GFRA1: variants seen among roughly 807,000 people sequenced by gnomAD.
The protein encoded by GFRA1 is GDNF family receptor alpha-1.
Under a neutral mutation model 51.6 loss-of-function variants are expected in GFRA1, and 16 were observed. The observed-to-expected ratio is 0.31, with a 90% confidence interval of 0.21 to 0.47. GFRA1 has a LOEUF of 0.47. GFRA1 is among the 20% of genes least tolerant of loss of function. The pLI is 1.00. For missense variants in GFRA1, 530 were observed against 594.3 expected, an observed-to-expected ratio of 0.89 and a Z score of 1.13; for synonymous variants, 270 against 241.3, an observed-to-expected ratio of 1.12 and a Z score of -1.10.
At chr10:116,109,884 G>A (rs1227632942) in intron 6 of GFRA1, among the ~76,000 whole-genome samples, 2 of 152,092 alleles carry the variant, frequency 1.3e-5, no homozygotes, top group Non-Finnish European at 2.9e-5. Flanking sequence ...TGGTCTCTCT[G>A]CATCTCAGTC....
intron 4 of GFRA1, among the ~76,000 whole-genome samples, chr10:116,222,496 G>A (rs1182237774): frequency 6.6e-6 from 1 of 152,176 alleles, no homozygotes; most frequent in African/African-American, 2.4e-5. Context: ...ACCGTTCCCA[G>A]TCATGGATTG....
intron 4 of GFRA1, 107 bp downstream of exon 4, chr10:116,269,396 T>C: frequency 1.3e-6 from 1 of 753,946 alleles, no homozygotes; most frequent in Non-Finnish European, 2.4e-6. Context: ...CCAGAAACAC[T>C]GTGCCATTCA....
chr10:116,063,093 G>A lies in GFRA1; in HGVS notation c.*1305C>T, dbSNP rs1954901995. On this transcript the variant is annotated 3_prime_UTR_variant, in exon 11 of 11. Transcript: ENST00000355422. ...AAACACAATCCTTAGGAAAAGAACT[G>A]TGCATCCCAGCATGGATGTGTTTCC... is the stretch of plus-strand genomic sequence containing the variant. 1 of 152,240 alleles carries A rather than the reference G, an allele frequency of 6.6e-6. No homozygotes were observed. The highest frequency in any genetic ancestry group is 2.4e-5 in the African/African-American group (1 of 41,462). 9.4% of individuals were successfully genotyped at this position (152,240 alleles called of 1,614,324 possible). A position where few individuals can be genotyped will look rare whatever the true frequency, so the allele number is the denominator to read the frequency against.
At chr10:116,145,148 C>CAA (rs58509181) in intron 5 of GFRA1, among the ~76,000 whole-genome samples, 1,385 of 28,684 alleles carry the variant, frequency 0.048, 216 homozygotes, top group African/African-American at 0.1. Flanking sequence ...GACTCTGTCT[C>CAA]AAAAAAAAAA....
intron 4 of GFRA1, among the ~76,000 whole-genome samples, chr10:116,223,074 G>A (rs1383337486): frequency 4.6e-5 from 7 of 152,030 alleles, no homozygotes; most frequent in Admixed American, 6.6e-5. Context: ...TCAATAGCCC[G>A]TGGATACTGA....
In GFRA1 at chr10:116,064,094, C is replaced by G. The variant is rs4998649; in HGVS notation, c.*304G>C. On this transcript the variant is annotated 3_prime_UTR_variant, in exon 11 of 11. Coordinates refer to ENST00000355422, the MANE Select transcript of GFRA1 (RefSeq NM_005264.8). ...TGATCATGATGATCATCATCATGATCATCATCATCATCGAAAACACAGCCC... is the reference window on the plus strand; with the variant it reads ...TGATCATGATGATCATCATCATGATGATCATCATCATCGAAAACACAGCCC... 6.9e-3 allele frequency: 1,313 copies of G among 189,056 alleles called. 4 individuals are homozygous for G. The highest frequency in any genetic ancestry group is 8.7e-3 in the Non-Finnish European group (914 of 104,668). 11.7% of individuals were successfully genotyped at this position (189,056 alleles called of 1,614,324 possible).
chr10:116,225,534 CAAAAAAAAAAAAAAAAAA>C (rs756377767), intron 4 of GFRA1, among the ~76,000 whole-genome samples: 1 of 63,952 alleles, frequency 1.6e-5, no homozygotes, highest in Non-Finnish European at 2.6e-5. Context: ...AGTCTGTCTC[CAAAAAAAAAAAAAAAAAA>C]AAAAAAAACT....
Position 116,191,805 on chromosome 10 carries a change from T to C in GFRA1, c.433+19826A>G, listed in dbSNP as rs1589858440. 2.0e-5 allele frequency among the ~76,000 whole-genome samples: 3 copies of C among 152,050 alleles called. No homozygotes were observed. In the South Asian group the frequency reaches 6.3e-4, roughly 32 times the overall value. ...ACTTTGGGAGGCCAAGGCAGGCGGA[T>C]CACCTGAGGTCAGGAGTTTGAGATC... On this transcript the variant is annotated intron_variant, in intron 5 of 10. Transcript: ENST00000355422.
chr10:116,118,741 A>G (rs1337437016), intron 6 of GFRA1, among the ~76,000 whole-genome samples: 1 of 152,216 alleles, frequency 6.6e-6, no homozygotes, highest in Non-Finnish European at 1.5e-5. Context: ...ACAATATGCA[A>G]ATGCAAAGAC....
At position 116,168,008 on chromosome 10, in the gene GFRA1, C is replaced by T. The variant is rs575509756; in HGVS notation, c.434-42451G>A. On this transcript the variant is annotated intron_variant, in intron 5 of 10. Coordinates refer to ENST00000355422, the MANE Select transcript of GFRA1 (RefSeq NM_005264.8). ...TATTGGGTACGGTGTACACTGCTTC[C>T]GTGATGACTGCACTAAAATCTCAGA... is the stretch of plus-strand genomic sequence containing the variant. Among the ~76,000 whole-genome samples the T allele has an allele frequency of 7.9e-5, 12 of 152,178 alleles. No individual in the cohort carries two copies. The South Asian group carries it at 1.2e-3, about 16-fold the overall frequency.
At chr10:116,085,776 C>T (rs1956076002) in intron 9 of GFRA1, among the ~76,000 whole-genome samples, 1 of 152,230 alleles carries the variant, frequency 6.6e-6, no homozygotes, top group Non-Finnish European at 1.5e-5. Context: ...AAAAATATTA[C>T]TGGCAAACTG....
chr10:116,242,830 G>C (rs994159384), intron 4 of GFRA1, among the ~76,000 whole-genome samples: 1 of 152,034 alleles, frequency 6.6e-6, no homozygotes, highest in African/African-American at 2.4e-5. Flanking sequence ...GGCCCCTTTT[G>C]GCTTCAGAAA....
chr10:116,185,352 C>A (rs1016933843), intron 5 of GFRA1, among the ~76,000 whole-genome samples: 2 of 152,102 alleles, frequency 1.3e-5, no homozygotes, highest in Admixed American at 6.6e-5. Flanking sequence ...GTAAGACAGG[C>A]TATTAACAGT....
intron 5 of GFRA1, among the ~76,000 whole-genome samples, chr10:116,132,853 A>G (rs1246291040): frequency 6.6e-6 from 1 of 152,088 alleles, no homozygotes; most frequent in East Asian, 1.9e-4. Context: ...CCAGCCCTCC[A>G]TCAGCTCACA....
At chr10:116,069,462 C>T (rs369664312) in intron 9 of GFRA1, among the ~76,000 whole-genome samples, 29 of 152,194 alleles carry the variant, frequency 1.9e-4, no homozygotes, top group East Asian at 1.7e-3. Context: ...TCCCTACATT[C>T]TGGAAAACCA....
chr10:116,064,094 C>CATGATGATCATCATCATGATCATGATG lies in GFRA1; in HGVS notation c.*303_*304insCATCATGATCATGATGATGATCATCAT, dbSNP rs1954973521. ...TGATCATGATGATCATCATCATGAT[C>CATGATGATCATCATCATGATCATGATG]ATCATCATCATCGAAAACACAGCCC... On this transcript the variant is annotated 3_prime_UTR_variant, in exon 11 of 11. Transcript: ENST00000355422. 2 of 188,966 alleles carry CATGATGATCATCATCATGATCATGATG rather than the reference C, an allele frequency of 1.1e-5. No homozygotes were observed. Among genetic ancestry groups the CATGATGATCATCATCATGATCATGATG allele is most frequent in the African/African-American group, 5.8e-5 (1 of 17,328 alleles). 11.7% of individuals were successfully genotyped at this position (188,966 alleles called of 1,614,324 possible). A position where few individuals can be genotyped will look rare whatever the true frequency, so the allele number is the denominator to read the frequency against.
chr10:116,129,963 A>T (rs1958038044), intron 5 of GFRA1, among the ~76,000 whole-genome samples: 1 of 151,822 alleles, frequency 6.6e-6, no homozygotes, highest in African/African-American at 2.4e-5. Context: ...ATATATGTTT[A>T]ATGTTATGGA....
intron 6 of GFRA1, among the ~76,000 whole-genome samples, chr10:116,102,062 G>T (rs1339487228): frequency 1.3e-5 from 2 of 152,148 alleles, no homozygotes; most frequent in Non-Finnish European, 2.9e-5. Context: ...TTCTTCTAGT[G>T]GATCCCTTGT....
chr10:116,177,927 G>A (rs1961791532), intron 5 of GFRA1, among the ~76,000 whole-genome samples: 1 of 152,148 alleles, frequency 6.6e-6, no homozygotes, highest in Non-Finnish European at 1.5e-5. Context: ...AAAGCCAGAA[G>A]CAAACCCTCT....
Sources: gnomAD v4.1 joint callset for allele counts (sites outside exome capture counted in the v4.1 genomes callset) on GRCh38, gnomAD v4.1.1 for gene constraint, MANE v1.5 for transcripts, NCBI Gene and HGNC (gene_info 2026-07-23, HGNC 2026-07-21) for gene names.